Variants in ME1 observed in about 807,000 individuals in gnomAD.
ME1 encodes NADP-dependent malic enzyme.
ME1 carries 74 observed loss-of-function variants against 66.4 expected under a neutral mutation model. The observed-to-expected ratio is 1.11, with a 90% CI of 0.92 to 1.35. ME1 has a LOEUF of 1.35. Ranked by LOEUF, ME1 falls within the 40% of genes most tolerant of loss-of-function variation. The pLI is 0.00. For missense variants in ME1, 750 were observed against 694.1 expected (o/e 1.08, Z -0.90); for synonymous variants, 251 against 235.6 (o/e 1.07, Z -0.60).
At chr6:83,237,438 AGGAAG>A (rs1790437881) in intron 9 of ME1, among the ~76,000 whole-genome samples, 2 of 150,182 alleles carry the variant, frequency 1.3e-5, no homozygotes, top group South Asian at 4.2e-4. Context: ...AAGGAAAGAA[AGGAAG>A]GAAAGAAAGA....
chr6:83,339,910 T>C (rs1292316743), intron 5 of ME1, among the ~76,000 whole-genome samples: 1 of 138,148 alleles, frequency 7.2e-6, no homozygotes, highest in Non-Finnish European at 1.5e-5. Flanking sequence ...GCATGGCACA[T>C]GTATACATAT....
At chr6:83,229,033 G>T in intron 9 of ME1, 102 bp from the exon 10 acceptor site, 1 of 731,822 alleles carries the variant, frequency 1.4e-6, no homozygotes, top group Non-Finnish European at 2.4e-6. Flanking sequence ...ACATTTTTAT[G>T]TATGATGTGT....
At chr6:83,325,948 C>CAAAAAAAAAAA (rs199839173) in intron 5 of ME1, among the ~76,000 whole-genome samples, 1 of 120,818 alleles carries the variant, frequency 8.3e-6, no homozygotes. Context: ...ACGAAGCAAA[C>CAAAAAAAAAAA]AAAAAAAAAA....
At chr6:83,226,210 A>G (rs911108644) in intron 11 of ME1, among the ~76,000 whole-genome samples, 10 of 152,186 alleles carry the variant, frequency 6.6e-5, no homozygotes, top group Non-Finnish European at 1.0e-4. Flanking sequence ...GCAAGATGAT[A>G]AGAAAGAGTT....
At chr6:83,258,893 A>C (rs1466168508) in intron 6 of ME1, among the ~76,000 whole-genome samples, 3 of 152,202 alleles carry the variant, frequency 2.0e-5, no homozygotes, top group African/African-American at 7.2e-5. Flanking sequence ...TGAATAGCAT[A>C]TTTACATCTG....
At chr6:83,229,203 CAT>C (rs1220812947) in intron 9 of ME1, 2 of 501,512 alleles carry the variant, frequency 4.0e-6, no homozygotes, top group Admixed American at 2.5e-5. Context: ...ATTTTACAGA[CAT>C]GTGAGAACTA....
intron 5 of ME1, among the ~76,000 whole-genome samples, chr6:83,330,098 G>T (rs1288306431): frequency 1.3e-5 from 2 of 152,192 alleles, no homozygotes; most frequent in East Asian, 3.8e-4. Context: ...GGGATTACAG[G>T]TGTGAGTCAC....
intron 3 of ME1, among the ~76,000 whole-genome samples, chr6:83,377,056 CA>C (rs1335680058): frequency 6.6e-6 from 1 of 152,066 alleles, no homozygotes; most frequent in African/African-American, 2.4e-5. Context: ...GGAAATGTAT[CA>C]AAACTAATAT....
Position 83,315,098 on chromosome 6 carries a change from A to C in ME1, c.704+212T>G, listed in dbSNP as rs572680227. Among the ~76,000 whole-genome samples, 8 of 152,314 alleles carry C rather than the reference A, an allele frequency of 5.3e-5. No homozygotes were observed. The East Asian group carries it at 1.5e-3, about 29-fold the overall frequency. Reference sequence around the variant, plus strand: ...AAGGTTCTTGTAAAAAAAAAAGTATATTCAGGGACAGCAACAGAAATAATC... The same window carrying C: ...AAGGTTCTTGTAAAAAAAAAAGTATCTTCAGGGACAGCAACAGAAATAATC... On this transcript the variant is annotated intron_variant, in intron 6 of 13. Coordinates refer to ENST00000369705, the MANE Select transcript of ME1 (RefSeq NM_002395.6).
At chr6:83,317,479 G>A (rs1008377493) in intron 5 of ME1, among the ~76,000 whole-genome samples, 5 of 151,670 alleles carry the variant, frequency 3.3e-5, no homozygotes, top group Admixed American at 1.3e-4. Context: ...TGTTGTTGGT[G>A]TATAGGAATG....
At chr6:83,385,810 C>A (rs1769493663) in intron 3 of ME1, among the ~76,000 whole-genome samples, 1 of 151,750 alleles carries the variant, frequency 6.6e-6, no homozygotes, top group Admixed American at 6.6e-5. Flanking sequence ...CTACCTCACT[C>A]CTATTTAGCA....
intron 7 of ME1, among the ~76,000 whole-genome samples, chr6:83,240,164 A>C (rs1790484636): frequency 6.6e-6 from 1 of 152,052 alleles, no homozygotes; most frequent in Non-Finnish European, 1.5e-5. Flanking sequence ...TCACACAAAG[A>C]AACTCTTCTT....
chr6:83,331,060 G>C (rs566867652), intron 5 of ME1, among the ~76,000 whole-genome samples: 24 of 152,254 alleles, frequency 1.6e-4, no homozygotes, highest in African/African-American at 5.5e-4. Context: ...TGGAGCAATG[G>C]TTTAATAAGC....
chr6:83,342,017 G>A (rs189168658), intron 5 of ME1, among the ~76,000 whole-genome samples: 1 of 152,088 alleles, frequency 6.6e-6, no homozygotes, highest in Non-Finnish European at 1.5e-5. Flanking sequence ...CTCCACTTTA[G>A]CCTCAGATTG....
chr6:83,230,669 T>C (rs545205979), intron 9 of ME1, among the ~76,000 whole-genome samples: 31 of 152,314 alleles, frequency 2.0e-4, no homozygotes, highest in Admixed American at 4.6e-4. Context: ...CAGTGGCTCA[T>C]GCCTGTAATC....
intron 7 of ME1, among the ~76,000 whole-genome samples, chr6:83,243,333 AATTAT>A (rs973387583): frequency 3.1e-4 from 43 of 139,656 alleles, no homozygotes; most frequent in South Asian, 1.7e-3. Context: ...TATAAAATAT[AATTAT>A]ATTATATTTA....
At chr6:83,371,938 T>A (rs1381642306) in intron 3 of ME1, among the ~76,000 whole-genome samples, 1 of 152,210 alleles carries the variant, frequency 6.6e-6, no homozygotes, top group African/African-American at 2.4e-5. Context: ...TTCTCTCTGG[T>A]TTAGGGGCCC....
chr6:83,262,582 T>C (rs1313719681), intron 6 of ME1, among the ~76,000 whole-genome samples: 1 of 152,204 alleles, frequency 6.6e-6, no homozygotes, highest in Non-Finnish European at 1.5e-5. Context: ...GCAACTTCTA[T>C]GAACACTAAG....
intron 7 of ME1, among the ~76,000 whole-genome samples, chr6:83,249,714 T>C (rs1583339888): frequency 6.6e-6 from 1 of 152,122 alleles, no homozygotes; most frequent in East Asian, 1.9e-4. Flanking sequence ...CTAAATTTCA[T>C]CTTGTGCTTG....
Sources: allele counts gnomAD v4.1 joint callset (sites outside exome capture counted in the v4.1 genomes callset), GRCh38; gene constraint gnomAD v4.1.1; transcripts MANE v1.5; gene names NCBI Gene and HGNC (gene_info 2026-07-23, HGNC 2026-07-21).